Variants in ERN2 observed in about 807,000 individuals in gnomAD.
ERN2 encodes endoplasmic reticulum to nucleus signaling 2, also known as serine/threonine-protein kinase/endoribonuclease IRE2.
A neutral mutation model predicts 107.9 loss-of-function variants in ERN2; 111 were observed. That is an observed-to-expected ratio of 1.03 (90% CI 0.88 to 1.20). ERN2 has a LOEUF of 1.20. Among genes scored for constraint, ERN2 ranks in the 50% most tolerant of loss-of-function variants. The probability of loss-of-function intolerance (pLI) is 0.00; values close to 1 mark genes in which losing one functional copy is unlikely to be tolerated. For missense variants in ERN2, 1,225 were observed against 1,197.9 expected, an observed-to-expected ratio of 1.02 and a Z score of -0.33; for synonymous variants, 524 against 501.7, an observed-to-expected ratio of 1.04 and a Z score of -0.59.
rs765001763 is a variant in ERN2, at chr16:23,690,644, T to C, written c.*187A>G. 181 of 602,176 alleles carry C rather than the reference T, an allele frequency of 3.0e-4. No individual in the cohort carries two copies. Among genetic ancestry groups the C allele is most frequent in the Non-Finnish European group, 4.9e-4 (168 of 339,830 alleles). 37.3% of individuals were successfully genotyped at this position (602,176 alleles called of 1,614,324 possible). ...TAATTTTACAAATTTTTTGTAGAAA[T>C]GGGGTGTTGCCATGTTGGCCAGGCT... On this transcript the variant is annotated 3_prime_UTR_variant, in exon 22 of 22. Coordinates refer to ENST00000256797, the MANE Select transcript of ERN2 (RefSeq NM_033266.4).
At position 23,701,127 on chromosome 16, in the gene ERN2, G is replaced by C. The variant is rs26762; in HGVS notation, c.1204-13C>G. The C allele has an allele frequency of 6.2e-7, 1 of 1,610,524 alleles. No individual in the cohort carries two copies. Among genetic ancestry groups the C allele is most frequent in the South Asian group, 1.1e-5 (1 of 90,748 alleles). On this transcript the variant is annotated splice_polypyrimidine_tract_variant and intron_variant, in intron 11 of 21. Coordinates refer to ENST00000256797, the MANE Select transcript of ERN2 (RefSeq NM_033266.4). ...TCAGGCTCAATAGCTGGGGATAAAG[G>C]GCCCTTCACTTTTAGCACCCCCTTC...
chr16:23,706,638 G>T, intron 6 of ERN2, 116 bp downstream of exon 6: 1 of 814,374 alleles, frequency 1.2e-6, no homozygotes, highest in Non-Finnish European at 2.1e-6. Context: ...TAGAATGTTT[G>T]TTGATGACTA....
At chr16:23,702,122 A>G (rs1567249479) in intron 11 of ERN2, 30 bp downstream of exon 11, 1 of 1,598,564 alleles carries the variant, frequency 6.3e-7, no homozygotes, top group Admixed American at 1.7e-5. Flanking sequence ...GGGCCTCCCT[A>G]CCCCCACTCT....
intron 11 of ERN2, 90 bp downstream of exon 11, chr16:23,702,062 T>A (rs1960092378): frequency 7.2e-7 from 1 of 1,397,382 alleles, no homozygotes; most frequent in African/African-American, 1.4e-5. Flanking sequence ...CCGAGTGTTA[T>A]TCTTAGCAGC....
chr16:23,692,128 G>A (rs1310177307), intron 18 of ERN2, 38 bp from the exon 19 acceptor site: 6 of 1,613,584 alleles, frequency 3.7e-6, no homozygotes, highest in Non-Finnish European at 5.1e-6. Context: ...TCTGCTTCAG[G>A]CCTGCCTAGC....
At chr16:23,700,391 G>A (rs1394287480) in intron 13 of ERN2, 148 bp downstream of exon 13, 23 of 737,648 alleles carry the variant, frequency 3.1e-5, no homozygotes, top group Middle Eastern at 3.2e-4. Context: ...GCTCAATTAC[G>A]TAGCAGGCTC....
chr16:23,700,338 A>G (rs547519495), intron 13 of ERN2, among the ~76,000 whole-genome samples: 1 of 150,754 alleles, frequency 6.6e-6, no homozygotes, highest in African/African-American at 2.4e-5. Context: ...TCCTGTCTCC[A>G]AAAAAATAAT....
chr16:23,707,130 C>A, intron 4 of ERN2, 51 bp from the exon 5 acceptor site: 1 of 1,284,592 alleles, frequency 7.8e-7, no homozygotes, highest in Non-Finnish European at 1.1e-6. Context: ...ACACACAGTG[C>A]TCACTGTGCC....
intron 7 of ERN2, among the ~76,000 whole-genome samples, chr16:23,705,631 G>A (rs1960274530): frequency 6.6e-6 from 1 of 152,056 alleles, no homozygotes; most frequent in Non-Finnish European, 1.5e-5. Context: ...CAAGGGGGTG[G>A]GCCAGGTGTG....
chr16:23,692,701 C>T (rs773984592), intron 17 of ERN2, among the ~76,000 whole-genome samples: 1 of 151,328 alleles, frequency 6.6e-6, no homozygotes, highest in Non-Finnish European at 1.5e-5. Context: ...CGGTTGTCAC[C>T]AGGGGACTCT....
At chr16:23,697,209 A>G (rs1959866792) in intron 13 of ERN2, 1 of 148,722 alleles carries the variant, frequency 6.7e-6, no homozygotes, top group Admixed American at 6.7e-5. Flanking sequence ...AATAATAATA[A>G]TAATAAAATC....
chr16:23,712,791 C>A (rs1960595014), intron 1 of ERN2: 1 of 368,644 alleles, frequency 2.7e-6, no homozygotes, highest in Non-Finnish European at 4.8e-6. Context: ...AGAGGCCTGG[C>A]TTTCGTGCCC....
intron 17 of ERN2, 74 bp downstream of exon 17, chr16:23,694,654 G>A: frequency 1.6e-6 from 2 of 1,289,032 alleles, no homozygotes; most frequent in Middle Eastern, 5.4e-4. Flanking sequence ...TCCTCAGGAG[G>A]GGAACTGGGA....
At position 23,692,246 on chromosome 16, in the gene ERN2, TAA is replaced by T; in HGVS notation, c.2184_2185del (p.Tyr729SerfsTer67). On this transcript the variant is annotated frameshift_variant, in exon 18 of 22. Transcript: ENST00000256797. LOFTEE classifies it high-confidence loss of function. ...CCCTGTGAGGATGTTTGCCTGGCGATAAAGACTGTCTCCAAAGGGGTGGCTGC... is the reference window on the plus strand; with the variant it reads ...CCCTGTGAGGATGTTTGCCTGGCGATAGACTGTCTCCAAAGGGGTGGCTGC... 1 of 1,614,158 alleles carries T rather than the reference TAA, an allele frequency of 6.2e-7. No homozygotes were observed. Among genetic ancestry groups the T allele is most frequent in the South Asian group, 1.1e-5 (1 of 91,088 alleles).
rs959542924 is a variant in ERN2, at chr16:23,711,024, A to C, written c.94-6T>G. ...TCTGGCCTGAGAGTATGAACCTGCA[A>C]GGGGGTAGAGACAAAGTCAGCTCTC... On this transcript the variant is annotated splice_polypyrimidine_tract_variant and splice_region_variant and intron_variant, in intron 1 of 21. Transcript: ENST00000256797. 2 of 1,604,550 alleles carry C rather than the reference A, an allele frequency of 1.2e-6. No individual in the cohort carries two copies. Among genetic ancestry groups the C allele is most frequent in the African/African-American group, 1.3e-5 (1 of 74,734 alleles).
Position 23,702,280 on chromosome 16 carries a change from TG to T in ERN2, c.1082-8del. 2 of 1,613,586 alleles carry T rather than the reference TG, an allele frequency of 1.2e-6. No homozygotes were observed. Among genetic ancestry groups the T allele is most frequent in the East Asian group, 2.2e-5 (1 of 44,874 alleles). ...GGGGGTAGCTCGTGGTGTCCTAAGG[TG>T]GGGGGCAAAAGTCATCAGGCTGAAG... On this transcript the variant is annotated splice_region_variant and splice_polypyrimidine_tract_variant and intron_variant, in intron 10 of 21. Coordinates refer to ENST00000256797, the MANE Select transcript of ERN2 (RefSeq NM_033266.4).
chr16:23,695,503 G>T, intron 14 of ERN2, 114 bp from the exon 15 acceptor site: 1 of 923,788 alleles, frequency 1.1e-6, no homozygotes. Context: ...AGGCGGGCGG[G>T]TCACTTGAGG....
At chr16:23,691,263 C>G in intron 20 of ERN2, 39 bp downstream of exon 20, 6 of 1,612,380 alleles carry the variant, frequency 3.7e-6, no homozygotes, top group Non-Finnish European at 5.1e-6. Context: ...CAGGCCCACT[C>G]CCCTCCACCG....
At chr16:23,703,301 C>T (rs1002458119) in intron 8 of ERN2, among the ~76,000 whole-genome samples, 4 of 152,118 alleles carry the variant, frequency 2.6e-5, no homozygotes, top group Admixed American at 1.3e-4. Context: ...TCTCCCCCAC[C>T]TCCTCTAGTG....
Sources: allele counts gnomAD v4.1 joint callset (sites outside exome capture counted in the v4.1 genomes callset), GRCh38; gene constraint gnomAD v4.1.1; transcripts MANE v1.5; gene names NCBI Gene and HGNC (gene_info 2026-07-23, HGNC 2026-07-21).